PTPRJ: variants seen among roughly 807,000 people sequenced by gnomAD.
PTPRJ encodes receptor-type tyrosine-protein phosphatase eta.
In PTPRJ, 129 loss-of-function variants were observed where a neutral mutation model predicts 141.3. The ratio of observed to expected loss-of-function variants is 0.91; its 90% CI spans 0.79 to 1.06. The LOEUF is 1.06. Ranked by LOEUF, PTPRJ falls within the 50% of genes least tolerant of loss-of-function variation. PTPRJ has a pLI of 0.00. For synonymous variants in PTPRJ, 610 were observed against 640.5 expected, an observed-to-expected ratio of 0.95 and a Z score of 0.72; for missense variants, 1,601 against 1,679.7, an observed-to-expected ratio of 0.95 and a Z score of 0.82.
At chr11:48,002,613 C>T (rs1854529102) in intron 1 of PTPRJ, among the ~76,000 whole-genome samples, 2 of 152,216 alleles carry the variant, frequency 1.3e-5, no homozygotes, top group Non-Finnish European at 2.9e-5. Context: ...ACCCCCAACT[C>T]ATCAATCCTT....
chr11:48,046,902 A>AT (rs1854414712), intron 1 of PTPRJ, among the ~76,000 whole-genome samples: 1 of 87,342 alleles, frequency 1.1e-5, no homozygotes, highest in Non-Finnish European at 2.1e-5. Context: ...ATATATATAT[A>AT]TATATATATA....
intron 21 of PTPRJ, among the ~76,000 whole-genome samples, chr11:48,159,098 GTGTGTGTGTGTGTGTGTATGT>G (rs1565333172): frequency 7.8e-6 from 1 of 128,052 alleles, no homozygotes. Flanking sequence ...TGTATGTGGG[GTGTGTGTGTGTGTGTGTATGT>G]GGGGTGTGTG....
At chr11:48,077,100 A>G (rs888486221) in intron 1 of PTPRJ, among the ~76,000 whole-genome samples, 5 of 152,156 alleles carry the variant, frequency 3.3e-5, no homozygotes, top group Admixed American at 6.5e-5. Context: ...TCCCGACCTC[A>G]GGTGATCCAC....
intron 1 of PTPRJ, among the ~76,000 whole-genome samples, chr11:48,036,363 C>G (rs1854123039): frequency 6.6e-6 from 1 of 152,230 alleles, no homozygotes; most frequent in Non-Finnish European, 1.5e-5. Flanking sequence ...GTTTCCAGTG[C>G]TCTGCTCTTC....
chr11:48,004,250 TC>T (rs532289183), intron 1 of PTPRJ, among the ~76,000 whole-genome samples: 129 of 152,328 alleles, frequency 8.5e-4, no homozygotes, highest in African/African-American at 2.9e-3. Flanking sequence ...TGAGTTCAAA[TC>T]CTAGTTTTGC....
At chr11:48,005,284 TG>T (rs1448153658) in intron 1 of PTPRJ, among the ~76,000 whole-genome samples, 1 of 151,544 alleles carries the variant, frequency 6.6e-6, no homozygotes, top group African/African-American at 2.4e-5. Context: ...CAACCATCAC[TG>T]CTGTCTAGTT....
chr11:48,076,910 C>T (rs978382448), intron 1 of PTPRJ, among the ~76,000 whole-genome samples: 2 of 151,942 alleles, frequency 1.3e-5, no homozygotes, highest in Admixed American at 1.3e-4. Flanking sequence ...TCTTGTTGTA[C>T]AGGCTGGAGT....
Position 48,165,862 on chromosome 11 carries a change from C to G in PTPRJ, c.3856-1342C>G, listed in dbSNP as rs1055103298. On this transcript the variant is annotated intron_variant, in intron 24 of 24. Coordinates refer to ENST00000418331, the MANE Select transcript of PTPRJ (RefSeq NM_002843.4). Reference sequence around the variant, plus strand: ...AGCATTTGACAATATATTTTTCTCTCCTCTTTTTTTTTTTTTTGAGACGGA... The same window carrying G: ...AGCATTTGACAATATATTTTTCTCTGCTCTTTTTTTTTTTTTTGAGACGGA... 2.5e-5 allele frequency among the ~76,000 whole-genome samples: 3 copies of G among 120,578 alleles called. No individual in the cohort carries two copies. The East Asian group carries it at 6.9e-4, about 28-fold the overall frequency. 79.1% of individuals were successfully genotyped at this position (120,578 alleles called of 152,430 possible).
intron 1 of PTPRJ, among the ~76,000 whole-genome samples, chr11:48,049,674 A>G (rs1246998731): frequency 2.7e-5 from 4 of 149,490 alleles, no homozygotes; most frequent in South Asian, 4.2e-4. Context: ...AGATCGCGCC[A>G]TTGCACTCCA....
chr11:47,993,692 G>A (rs1473059290), intron 1 of PTPRJ, among the ~76,000 whole-genome samples: 1 of 152,158 alleles, frequency 6.6e-6, no homozygotes, highest in Non-Finnish European at 1.5e-5. Flanking sequence ...AGCCCTGCCT[G>A]ACCTCTAGCT....
chr11:48,137,198 G>A lies in PTPRJ; in HGVS notation c.2069G>A (p.Gly690Asp). Residue 690 changes from glycine (G) to aspartate (D), a missense_variant, in exon 10 of 25, where the codon GGC becomes GAC. Gly to Asp is a moderately conservative substitution (Grantham distance 94). Coordinates refer to ENST00000418331, the MANE Select transcript of PTPRJ (RefSeq NM_002843.4). ...TDATVTELIP[G>D]SSYTVEIFAQ... The stretch of plus-strand genomic sequence containing the variant: ...GCTACAGTCACTGAATTAATACCTG[G>A]CTCATCATACACAGTGGAGATCTTT... 11 of 1,613,692 alleles carry A rather than the reference G, an allele frequency of 6.8e-6. No homozygotes were observed. The highest frequency in any genetic ancestry group is 9.3e-6 in the Non-Finnish European group (11 of 1,179,596).
Position 48,160,020 on chromosome 11 carries a change from T to C in PTPRJ, c.3529T>C (p.Trp1177Arg), listed in dbSNP as rs1274708939. The change falls in exon 22 of 25, where the codon TGG (tryptophan) becomes CGG (arginine). Residue 1177 changes from tryptophan (W) to arginine (R), a missense_variant. Trp to Arg is a moderately radical substitution (Grantham distance 101). Transcript: ENST00000418331. ...AMTSEIVLPE[W>R]TIRDFTVKNI... is the part of the protein sequence containing the mutation. ...GACATCAGAAATTGTTCTTCCGGAA[T>C]GGACCATCAGAGATTTCACAGTGAA... The C allele has an allele frequency of 5.0e-6, 8 of 1,614,024 alleles. 2 individuals are homozygous for C. Among genetic ancestry groups the C allele is most frequent in the Middle Eastern group, 1.7e-4 (1 of 6,060 alleles).
Position 48,169,551 on chromosome 11 carries a change from A to C in PTPRJ, c.*2189A>C, listed in dbSNP as rs1858006945. Reference sequence around the variant, plus strand: ...TTCATTCATAGGTCCCTGTTCAGGCAGCAGTTCTGTGGGCTGTGGCCCTCT... The same window carrying C: ...TTCATTCATAGGTCCCTGTTCAGGCCGCAGTTCTGTGGGCTGTGGCCCTCT... On this transcript the variant is annotated 3_prime_UTR_variant, in exon 25 of 25. Coordinates refer to ENST00000418331, the MANE Select transcript of PTPRJ (RefSeq NM_002843.4). The C allele has an allele frequency of 6.6e-6, 1 of 152,170 alleles. No individual in the cohort carries two copies. Among genetic ancestry groups the C allele is most frequent in the South Asian group, 2.1e-4 (1 of 4,814 alleles). 9.4% of individuals were successfully genotyped at this position (152,170 alleles called of 1,614,324 possible). A position where few individuals can be genotyped will look rare whatever the true frequency, so the allele number is the denominator to read the frequency against.
chr11:48,016,270 G>A (rs1854948095), intron 1 of PTPRJ, among the ~76,000 whole-genome samples: 1 of 152,202 alleles, frequency 6.6e-6, no homozygotes, highest in African/African-American at 2.4e-5. Context: ...GACCAGATGA[G>A]CACTGTTATG....
intron 1 of PTPRJ, among the ~76,000 whole-genome samples, chr11:48,018,399 A>T (rs1855006199): frequency 6.6e-6 from 1 of 152,078 alleles, no homozygotes; most frequent in Admixed American, 6.5e-5. Context: ...GGGGCAGTGG[A>T]TGGCTGTGAG....
At chr11:48,066,435 G>A (rs1053986271) in intron 1 of PTPRJ, among the ~76,000 whole-genome samples, 7 of 152,014 alleles carry the variant, frequency 4.6e-5, no homozygotes, top group Non-Finnish European at 1.0e-4. Flanking sequence ...AGTTAAGTCA[G>A]CCCCAGGGCA....
In PTPRJ at chr11:48,144,902, C is replaced by T; in HGVS notation, c.2786+17C>T. On this transcript the variant is annotated intron_variant, in intron 13 of 24. Transcript: ENST00000418331. ...CTCCTACCGGTAATGTCTTCTGGTT[C>T]TTACTCTTTGGGGGCTGAGCCTCAT... 1.2e-6 allele frequency: 2 copies of T among 1,613,934 alleles called. No homozygotes were observed. The highest frequency in any genetic ancestry group is 1.7e-6 in the Non-Finnish European group (2 of 1,179,910).
intron 11 of PTPRJ, among the ~76,000 whole-genome samples, chr11:48,141,749 A>G (rs1331276911): frequency 6.6e-6 from 1 of 152,132 alleles, no homozygotes; most frequent in African/African-American, 2.4e-5. Flanking sequence ...GGGGGAGAGG[A>G]CAAGGGCAGG....
chr11:48,069,154 C>G (rs1299296506), intron 1 of PTPRJ, among the ~76,000 whole-genome samples: 1 of 150,590 alleles, frequency 6.6e-6, no homozygotes, highest in Non-Finnish European at 1.5e-5. Flanking sequence ...GGCTGGAGTG[C>G]AGTGGGGTGA....
Sources: allele counts gnomAD v4.1 joint callset (sites outside exome capture counted in the v4.1 genomes callset), GRCh38; gene constraint gnomAD v4.1.1; transcripts MANE v1.5; gene names NCBI Gene and HGNC (gene_info 2026-07-23, HGNC 2026-07-21).